AK5: variants seen among roughly 807,000 people sequenced by gnomAD.
AK5 encodes the protein adenylate kinase 5.
Under a neutral mutation model 69.5 loss-of-function variants are expected in AK5, and 27 were observed. That is an observed-to-expected ratio of 0.39 (90% CI 0.29 to 0.54). The LOEUF is 0.54. Ranked by LOEUF, AK5 falls within the 20% of genes least tolerant of loss-of-function variation. The probability of loss-of-function intolerance (pLI) is 0.71; values close to 1 mark genes in which losing one functional copy is unlikely to be tolerated. For missense variants in AK5, 531 were observed against 700.4 expected (o/e 0.76, Z 2.73); for synonymous variants, 260 against 244.4 (o/e 1.06, Z -0.60).
intron 5 of AK5, among the ~76,000 whole-genome samples, chr1:77,305,284 T>C (rs1205421840): frequency 6.6e-6 from 1 of 152,018 alleles, no homozygotes; most frequent in Non-Finnish European, 1.5e-5. Context: ...ATTCTGTGGG[T>C]TGTCTTTTTA....
At position 77,339,025 on chromosome 1, in the gene AK5, C is replaced by T. The variant is rs1329525354; in HGVS notation, c.700-1352C>T. On this transcript the variant is annotated intron_variant, in intron 5 of 13. Transcript: ENST00000354567. ...AGTCCATTTTTTAACTAGTGGTCTCCAGAGTGCACAAAGCAAACCACTGTG... is the reference window on the plus strand; with the variant it reads ...AGTCCATTTTTTAACTAGTGGTCTCTAGAGTGCACAAAGCAAACCACTGTG... Among the ~76,000 whole-genome samples the T allele has an allele frequency of 2.6e-5, 4 of 152,038 alleles. No homozygotes were observed. The East Asian group carries it at 7.8e-4, about 30-fold the overall frequency.
intron 6 of AK5, among the ~76,000 whole-genome samples, chr1:77,394,643 TG>T (rs1343825852): frequency 6.6e-6 from 1 of 152,080 alleles, no homozygotes; most frequent in African/African-American, 2.4e-5. Flanking sequence ...AACAAGTTTT[TG>T]TAATGAATTA....
chr1:77,410,765 A>C (rs1649990602), intron 6 of AK5, among the ~76,000 whole-genome samples: 2 of 152,138 alleles, frequency 1.3e-5, no homozygotes, highest in African/African-American at 4.8e-5. Flanking sequence ...TTTTAACCAT[A>C]AGTGACTGTA....
At chr1:77,300,952 T>A (rs951148890) in intron 5 of AK5, among the ~76,000 whole-genome samples, 1 of 152,184 alleles carries the variant, frequency 6.6e-6, no homozygotes, top group African/African-American at 2.4e-5. Context: ...TGTTTGTTTG[T>A]TTGTTAGTGC....
At chr1:77,345,390 G>GGAACA (rs1661865691) in intron 6 of AK5, among the ~76,000 whole-genome samples, 1 of 152,170 alleles carries the variant, frequency 6.6e-6, no homozygotes, top group Non-Finnish European at 1.5e-5. Flanking sequence ...CCAATACCAG[G>GGAACA]TTTCCTGGGA....
intron 2 of AK5, among the ~76,000 whole-genome samples, chr1:77,288,401 A>G (rs994469759): frequency 4.6e-5 from 7 of 152,206 alleles, no homozygotes; most frequent in African/African-American, 1.4e-4. Flanking sequence ...AAATTGTACA[A>G]CAAAAGGTTT....
In AK5 at chr1:77,446,238, A is replaced by G. The variant is rs1652744842; in HGVS notation, c.1059+28523A>G. ...TGCCCTTGCTGAAAATTGGTTGACC[A>G]TATATGTTTGCAATTATTTCTGGAC... On this transcript the variant is annotated intron_variant, in intron 8 of 13. Transcript: ENST00000354567. Among the ~76,000 whole-genome samples, 3 of 152,132 alleles carry G rather than the reference A, an allele frequency of 2.0e-5. No individual in the cohort carries two copies. In the South Asian group the frequency reaches 6.2e-4, roughly 32 times the overall value.
At position 77,364,421 on chromosome 1, in the gene AK5, G is replaced by A. The variant is rs184542225; in HGVS notation, c.891+23853G>A. 1.4e-3 allele frequency among the ~76,000 whole-genome samples: 214 copies of A among 152,192 alleles called. 1 individual carries two copies. Among genetic ancestry groups the A allele is most frequent in the African/African-American group, 4.9e-3 (203 of 41,532 alleles). The stretch of plus-strand genomic sequence containing the variant: ...CTAGCTATTTGAAATTGTATGATAT[G>A]CTATTGTTAACTATAGTCATCCTAT... On this transcript the variant is annotated intron_variant, in intron 6 of 13. Transcript: ENST00000354567.
intron 8 of AK5, among the ~76,000 whole-genome samples, chr1:77,430,793 G>A (rs1288346942): frequency 6.6e-6 from 1 of 152,194 alleles, no homozygotes; most frequent in African/African-American, 2.4e-5. Flanking sequence ...ATGTGGCTGA[G>A]AAGATAAGGA....
chr1:77,376,619 A>C (rs989893479), intron 6 of AK5, among the ~76,000 whole-genome samples: 4 of 152,026 alleles, frequency 2.6e-5, no homozygotes, highest in African/African-American at 9.7e-5. Context: ...TATCAGCCAA[A>C]GTAAAAGGGA....
chr1:77,529,233 G>A (rs1658442059), intron 12 of AK5, among the ~76,000 whole-genome samples: 1 of 151,750 alleles, frequency 6.6e-6, no homozygotes, highest in South Asian at 2.1e-4. Context: ...TATTTTTTGA[G>A]TACTTACAAT....
At chr1:77,553,545 T>C in intron 13 of AK5, among the ~76,000 whole-genome samples, 1 of 152,160 alleles carries the variant, frequency 6.6e-6, no homozygotes, top group East Asian at 1.9e-4. Context: ...CTGGGGAAGA[T>C]ATGGAGCTGA....
chr1:77,374,124 T>C (rs1278695684), intron 6 of AK5, among the ~76,000 whole-genome samples: 1 of 152,208 alleles, frequency 6.6e-6, no homozygotes, highest in African/African-American at 2.4e-5. Flanking sequence ...TAGATTGGTA[T>C]CTCAGCTTCT....
intron 8 of AK5, among the ~76,000 whole-genome samples, chr1:77,474,132 A>G (rs1654684073): frequency 6.6e-6 from 1 of 152,196 alleles, no homozygotes; most frequent in African/African-American, 2.4e-5. Context: ...TATCTTAACT[A>G]GCTTGGGCAA....
chr1:77,459,027 G>A (rs1653669670), intron 8 of AK5, among the ~76,000 whole-genome samples: 1 of 152,134 alleles, frequency 6.6e-6, no homozygotes, highest in Non-Finnish European at 1.5e-5. Context: ...GGAGTTGGTG[G>A]TCTGGTTGCC....
At position 77,558,828 on chromosome 1, in the gene AK5, T is replaced by TGAG. The variant is rs1174790871; in HGVS notation, c.*159_*161dup. ...TGTTTGCTTCCCAGCTAGACCTGTG[T>TGAG]GAGAGGTGTCTGGAAATCATGCATG... On this transcript the variant is annotated 3_prime_UTR_variant, in exon 14 of 14. Coordinates refer to ENST00000354567, the MANE Select transcript of AK5 (RefSeq NM_174858.3). The TGAG allele has an allele frequency of 6.5e-6, 4 of 615,216 alleles. No individual in the cohort carries two copies. The highest frequency in any genetic ancestry group is 8.9e-6 in the Non-Finnish European group (3 of 336,490). 38.1% of individuals were successfully genotyped at this position (615,216 alleles called of 1,614,324 possible). A position where few individuals can be genotyped will look rare whatever the true frequency, so the allele number is the denominator to read the frequency against.
chr1:77,529,987 T>C (rs749261833), intron 12 of AK5, among the ~76,000 whole-genome samples: 1 of 152,234 alleles, frequency 6.6e-6, no homozygotes, highest in Non-Finnish European at 1.5e-5. Context: ...CAGTGATCCC[T>C]CTGCCTTACT....
At chr1:77,387,330 A>G (rs1648102265) in intron 6 of AK5, among the ~76,000 whole-genome samples, 1 of 152,220 alleles carries the variant, frequency 6.6e-6, no homozygotes, top group African/African-American at 2.4e-5. Flanking sequence ...GAATATTAGA[A>G]TGTTAAAGAT....
At chr1:77,317,819 G>A (rs1251236131) in intron 5 of AK5, among the ~76,000 whole-genome samples, 2 of 152,174 alleles carry the variant, frequency 1.3e-5, no homozygotes, top group African/African-American at 4.8e-5. Flanking sequence ...TAAAAAATGT[G>A]TATTGTCCAG....
Sources: gnomAD v4.1 joint callset for allele counts (sites outside exome capture counted in the v4.1 genomes callset) on GRCh38, gnomAD v4.1.1 for gene constraint, MANE v1.5 for transcripts, NCBI Gene and HGNC (gene_info 2026-07-23, HGNC 2026-07-21) for gene names.